GATM: variants seen among roughly 807,000 people sequenced by gnomAD.
GATM encodes the protein glycine amidinotransferase, mitochondrial.
A neutral mutation model predicts 54.2 loss-of-function variants in GATM; 23 were observed. The observed-to-expected ratio is 0.42, with a 90% CI of 0.31 to 0.60. GATM has a LOEUF of 0.60. Ranked by LOEUF, GATM falls within the 20% of genes least tolerant of loss-of-function variation. The pLI is 0.14. For synonymous variants in GATM, 168 were observed against 183.1 expected (o/e 0.92, Z 0.67); for missense variants, 401 against 544.9 (o/e 0.74, Z 2.63).
At chr15:45,382,341 A>T (rs1173608410), upstream of GATM, among the ~76,000 whole-genome samples, 1 of 152,218 alleles carries the variant, frequency 6.6e-6, no homozygotes, top group Admixed American at 6.5e-5. Flanking sequence ...GATAGCTGGA[A>T]AGATGAAGAT....
intron 2 of GATM, among the ~76,000 whole-genome samples, chr15:45,371,961 T>C (rs1889551071): frequency 6.6e-6 from 1 of 152,192 alleles, no homozygotes; most frequent in Non-Finnish European, 1.5e-5. Flanking sequence ...AGTGGACCCA[T>C]CTCTGGTTAG....
upstream of GATM, among the ~76,000 whole-genome samples, chr15:45,382,787 C>CT (rs1889757576): frequency 6.6e-6 from 1 of 152,048 alleles, no homozygotes; most frequent in Non-Finnish European, 1.5e-5. Flanking sequence ...GAGAGAAACT[C>CT]TGTCTCAAAA....
rs536675382 is a variant in GATM, at chr15:45,389,135, C to A, written c.-319+7787G>T. Among the ~76,000 whole-genome samples the A allele has an allele frequency of 1.6e-4, 25 of 152,334 alleles. No individual in the cohort carries two copies. In the South Asian group the frequency reaches 5.2e-3, roughly 32 times the overall value. On this transcript the variant is annotated intron_variant, in intron 3 of 4. Coordinates refer to the GATM transcript ENST00000561148. ...AACACATTTCATATCAATAAACTTT[C>A]CAGACAACTGAAGCTTTTTCCTTTA... is the stretch of plus-strand genomic sequence containing the variant.
chr15:45,367,623 A>G (rs1889470697), intron 4 of GATM, among the ~76,000 whole-genome samples: 3 of 152,228 alleles, frequency 2.0e-5, no homozygotes, highest in African/African-American at 7.2e-5. Context: ...TTAATAAGGG[A>G]CATACATTTC....
chr15:45,397,277 G>C (rs1003013234), intron 2 of GATM: 1 of 151,924 alleles, frequency 6.6e-6, no homozygotes, highest in Non-Finnish European at 1.5e-5. Flanking sequence ...GCAGTCTTTT[G>C]TTCTACCAAG....
chr15:45,378,250 A>G (rs1889674777), intron 1 of GATM, 135 bp downstream of exon 1: 1 of 633,248 alleles, frequency 1.6e-6, no homozygotes, highest in Non-Finnish European at 2.7e-6. Context: ...ACCAGAAGGG[A>G]CACTCTCGTG....
chr15:45,381,113 T>C (rs1020647305), upstream of GATM, among the ~76,000 whole-genome samples: 1 of 152,188 alleles, frequency 6.6e-6, no homozygotes, highest in African/African-American at 2.4e-5. Context: ...TCCGTGGTCT[T>C]TAGTTGCTGC....
At chr15:45,378,146 G>A (rs1889672699) in intron 1 of GATM, 4 of 460,980 alleles carry the variant, frequency 8.7e-6, no homozygotes, top group East Asian at 7.6e-5. Flanking sequence ...TGGACCCCAA[G>A]GGCTGGAGCC....
At chr15:45,364,701 C>T in intron 7 of GATM, 96 bp downstream of exon 7, 1 of 1,087,630 alleles carries the variant, frequency 9.2e-7, no homozygotes, top group South Asian at 1.3e-5. Context: ...AACACATTCT[C>T]TAAGCTGCTA....
At chr15:45,378,011 G>A (rs956681205) in intron 1 of GATM, 4 of 197,216 alleles carry the variant, frequency 2.0e-5, no homozygotes, top group Non-Finnish European at 4.1e-5. Flanking sequence ...TTACTAAGAG[G>A]AGCCTCCGTC....
Position 45,377,278 on chromosome 15 carries a change from A to AT in GATM, c.70-460dup, listed in dbSNP as rs374557478. 1,158 of 456,422 alleles carry AT rather than the reference A, an allele frequency of 2.5e-3. 5 individuals are homozygous for AT. Among genetic ancestry groups the AT allele is most frequent in the African/African-American group, 0.017 (836 of 49,726 alleles). 28.3% of individuals were successfully genotyped at this position (456,422 alleles called of 1,614,324 possible). A position where few individuals can be genotyped will look rare whatever the true frequency, so the allele number is the denominator to read the frequency against. On this transcript the variant is annotated intron_variant, in intron 1 of 8. Coordinates refer to ENST00000396659, the MANE Select transcript of GATM (RefSeq NM_001482.3). Reference sequence around the variant, plus strand: ...GTTACCAATATTAGGCTTTTTATTTATTTTTTTTTACAAATGAAAAGTTGG... The same window carrying AT: ...GTTACCAATATTAGGCTTTTTATTTATTTTTTTTTTACAAATGAAAAGTTGG...
chr15:45,367,277 G>A (rs1889465449), intron 4 of GATM, among the ~76,000 whole-genome samples: 1 of 151,754 alleles, frequency 6.6e-6, no homozygotes, highest in Non-Finnish European at 1.5e-5. Flanking sequence ...GGAGGCAGAG[G>A]CTGCAGTGAG....
In GATM at chr15:45,366,164, G is replaced by C. The variant is rs1889445205; in HGVS notation, c.860C>G (p.Pro287Arg). The change falls in exon 6 of 9, where the codon CCA becomes CGA. Residue 287 changes from proline (P) to arginine (R), a missense_variant. By Grantham distance (103) the Pro-to-Arg change is moderately radical. Around this residue, in one of 3 missense-constraint regions of GATM, gnomAD observed 321 missense variants for 457.5 expected, o/e 0.70. Transcript: ENST00000396659. Reference protein sequence around the residue: ...GIEWMRRHLAPDYRVHIISFK... With the variant: ...GIEWMRRHLARDYRVHIISFK... ...GGAGATGATATGCACTCTGTAGTCT[G>C]GAGCAAGATGCCTACGCATCCATTC... 1.2e-6 allele frequency: 2 copies of C among 1,614,030 alleles called. No homozygotes were observed. The highest frequency in any genetic ancestry group is 1.7e-6 in the Non-Finnish European group (2 of 1,179,950).
At chr15:45,390,160 G>A (rs1280244295) in intron 3 of GATM, among the ~76,000 whole-genome samples, 1 of 152,088 alleles carries the variant, frequency 6.6e-6, no homozygotes, top group Non-Finnish European at 1.5e-5. Flanking sequence ...CCAAGATTCT[G>A]CATTTCTAAC....
At chr15:45,386,064 TC>T (rs1889800649) in intron 3 of GATM, among the ~76,000 whole-genome samples, 1 of 152,222 alleles carries the variant, frequency 6.6e-6, no homozygotes, top group Non-Finnish European at 1.5e-5. Flanking sequence ...CTCTTGTTAA[TC>T]TGCCTGCTCT....
intron 3 of GATM, among the ~76,000 whole-genome samples, chr15:45,394,519 T>C (rs149795120): frequency 1.6e-4 from 24 of 152,346 alleles, no homozygotes; most frequent in Admixed American, 1.6e-3. Context: ...GGAAGAATTG[T>C]TGAATTCTAT....
intron 2 of GATM, among the ~76,000 whole-genome samples, chr15:45,370,973 C>T (rs1889533253): frequency 6.6e-6 from 1 of 152,178 alleles, no homozygotes; most frequent in South Asian, 2.1e-4. Flanking sequence ...CAGGGTTTCA[C>T]CATGTTGGCC....
chr15:45,392,376 T>C (rs144608937), intron 3 of GATM, among the ~76,000 whole-genome samples: 26 of 152,342 alleles, frequency 1.7e-4, no homozygotes, highest in African/African-American at 6.3e-4. Context: ...CACGTGCGTG[T>C]GCGTGCATGT....
intron 3 of GATM, among the ~76,000 whole-genome samples, chr15:45,392,838 A>G (rs1487543287): frequency 6.6e-6 from 1 of 152,224 alleles, no homozygotes; most frequent in Admixed American, 6.5e-5. Flanking sequence ...CCTGGAAGAT[A>G]CTTGTATTGC....
Sources: gnomAD v4.1 joint callset for allele counts (sites outside exome capture counted in the v4.1 genomes callset) on GRCh38, gnomAD v4.1.1 for gene constraint, gnomAD v4.1.1 regional missense constraint, MANE v1.5 for transcripts, NCBI Gene and HGNC (gene_info 2026-07-23, HGNC 2026-07-21) for gene names.